GPR158: variants seen among roughly 807,000 people sequenced by gnomAD.
GPR158 encodes the protein metabotropic glycine receptor.
A neutral mutation model predicts 78.2 loss-of-function variants in GPR158; 30 were observed. The ratio of observed to expected loss-of-function variants is 0.38; its 90% CI spans 0.29 to 0.52. GPR158 has a LOEUF of 0.52. GPR158 is among the 20% of genes least tolerant of loss of function. The probability of loss-of-function intolerance (pLI) is 0.83; values close to 1 mark genes in which losing one functional copy is unlikely to be tolerated. For missense variants in GPR158, 1,463 were observed against 1,523.5 expected, an observed-to-expected ratio of 0.96 and a Z score of 0.66; for synonymous variants, 581 against 591.1, an observed-to-expected ratio of 0.98 and a Z score of 0.25.
At chr10:25,372,301 G>A (rs1278941103) in intron 2 of GPR158, among the ~76,000 whole-genome samples, 46 of 152,022 alleles carry the variant, frequency 3.0e-4, no homozygotes, top group African/African-American at 1.1e-3. Flanking sequence ...TCAGTGTGGT[G>A]ATTCCTCAGG....
chr10:25,347,051 G>A (rs1301909343), intron 2 of GPR158, among the ~76,000 whole-genome samples: 1 of 151,930 alleles, frequency 6.6e-6, no homozygotes, highest in Non-Finnish European at 1.5e-5. Flanking sequence ...TAACTGAGGT[G>A]TTTGCAAAGT....
intron 4 of GPR158, among the ~76,000 whole-genome samples, chr10:25,460,026 C>A (rs994399158): frequency 6.6e-6 from 1 of 151,938 alleles, no homozygotes; most frequent in Non-Finnish European, 1.5e-5. Flanking sequence ...AATGATAACT[C>A]CCCCAGCTTT....
chr10:25,330,414 T>C (rs1299219960), intron 2 of GPR158, among the ~76,000 whole-genome samples: 1 of 152,118 alleles, frequency 6.6e-6, no homozygotes, highest in African/African-American at 2.4e-5. Flanking sequence ...GGCGAGGCAT[T>C]TGAGTACCTC....
intron 2 of GPR158, among the ~76,000 whole-genome samples, chr10:25,254,889 G>C (rs1853871197): frequency 6.6e-6 from 1 of 152,206 alleles, no homozygotes; most frequent in Non-Finnish European, 1.5e-5. Context: ...AAGAGAGTTA[G>C]TTGATTTGGA....
At chr10:25,293,021 G>A (rs1441214478) in intron 2 of GPR158, among the ~76,000 whole-genome samples, 3 of 152,148 alleles carry the variant, frequency 2.0e-5, no homozygotes, top group Non-Finnish European at 4.4e-5. Context: ...ATCAGTTAAA[G>A]ACAGCACACA....
chr10:25,598,270 G>A lies in GPR158; in HGVS notation c.2644G>A (p.Ala882Thr), dbSNP rs141827771. 4.2e-5 allele frequency: 67 copies of A among 1,613,924 alleles called. No homozygotes were observed. The highest frequency in any genetic ancestry group is 5.3e-5 in the Non-Finnish European group (62 of 1,180,032). Residue 882 changes from alanine to threonine, a missense_variant, in exon 11 of 11, where the codon GCT becomes ACT. By Grantham distance (58) the Ala-to-Thr change is moderately conservative. Coordinates refer to ENST00000376351, the MANE Select transcript of GPR158 (RefSeq NM_020752.3). ...GCCGTTGGTGTGCAAGTCAGCAAGC[G>A]CTCACAACCTCAGCTCAGAGAAGAA... Reference protein sequence around the residue: ...SVPLVCKSASAHNLSSEKKTG... With the variant: ...SVPLVCKSASTHNLSSEKKTG...
chr10:25,580,915 TTTA>T lies in GPR158; in HGVS notation c.1753+8031_1753+8033del, dbSNP rs146096952. 3.9e-3 allele frequency among the ~76,000 whole-genome samples: 334 copies of T among 85,690 alleles called. 1 individual carries two copies. Among genetic ancestry groups the T allele is most frequent in the African/African-American group, 5.0e-3 (78 of 15,710 alleles). 56.2% of individuals were successfully genotyped at this position (85,690 alleles called of 152,430 possible). On this transcript the variant is annotated intron_variant, in intron 7 of 10. Transcript: ENST00000376351. ...TAATTTTTTTATTTTTTTATTTTATTTTATTTTATTTTATTTTTTTGAGACGGA... is the reference window on the plus strand; with the variant it reads ...TAATTTTTTTATTTTTTTATTTTATTTTTTATTTTATTTTTTTGAGACGGA...
chr10:25,219,769 T>C (rs1404644088), intron 1 of GPR158, among the ~76,000 whole-genome samples: 1 of 152,178 alleles, frequency 6.6e-6, no homozygotes, highest in African/African-American at 2.4e-5. Flanking sequence ...TGCTTCACAG[T>C]AGTTTAAAAG....
chr10:25,345,145 T>C (rs1257515444), intron 2 of GPR158, among the ~76,000 whole-genome samples: 1 of 151,984 alleles, frequency 6.6e-6, no homozygotes, highest in Non-Finnish European at 1.5e-5. Context: ...TTCCATCTGC[T>C]CTATATTGCC....
At chr10:25,418,060 T>C (rs1306510445) in intron 4 of GPR158, among the ~76,000 whole-genome samples, 1 of 152,150 alleles carries the variant, frequency 6.6e-6, no homozygotes, top group Non-Finnish European at 1.5e-5. Context: ...ATGTCAAACC[T>C]AGCAGCTGAA....
At chr10:25,313,598 A>G (rs139135618) in intron 2 of GPR158, among the ~76,000 whole-genome samples, 10 of 152,082 alleles carry the variant, frequency 6.6e-5, no homozygotes, top group African/African-American at 2.4e-4. Flanking sequence ...GGCCATAATG[A>G]TGTCATTTTT....
chr10:25,513,109 G>A (rs1391107864), intron 5 of GPR158, among the ~76,000 whole-genome samples: 2 of 151,292 alleles, frequency 1.3e-5, no homozygotes, highest in Non-Finnish European at 2.9e-5. Context: ...AGGATCAATT[G>A]GTACCAATTC....
intron 2 of GPR158, among the ~76,000 whole-genome samples, chr10:25,241,245 C>G (rs1412302072): frequency 8.4e-6 from 1 of 118,630 alleles, no homozygotes; most frequent in Non-Finnish European, 1.7e-5. Context: ...TCTTTCCTTT[C>G]TTTCCTTTCT....
intron 10 of GPR158, 93 bp downstream of exon 10, chr10:25,596,882 G>A (rs1588929547): frequency 3.0e-6 from 3 of 989,862 alleles, no homozygotes; most frequent in Admixed American, 2.2e-5. Context: ...GTGCATGCAT[G>A]TACACTCATG....
chr10:25,404,457 G>T (rs1191493411), intron 3 of GPR158, among the ~76,000 whole-genome samples: 1 of 152,032 alleles, frequency 6.6e-6, no homozygotes, highest in Non-Finnish European at 1.5e-5. Flanking sequence ...CATGAATATT[G>T]AAATATTTAA....
chr10:25,194,163 T>C (rs542775233), intron 1 of GPR158, among the ~76,000 whole-genome samples: 3 of 152,272 alleles, frequency 2.0e-5, no homozygotes, highest in South Asian at 4.2e-4. Context: ...TGCTGCTTTT[T>C]TATGGTGGGG....
At chr10:25,433,796 A>G (rs1382774598) in intron 4 of GPR158, among the ~76,000 whole-genome samples, 1 of 142,770 alleles carries the variant, frequency 7.0e-6, no homozygotes, top group African/African-American at 2.6e-5. Flanking sequence ...GGCTCCTAAT[A>G]TGCTGGTTAT....
At chr10:25,449,109 C>T (rs1039677252) in intron 4 of GPR158, among the ~76,000 whole-genome samples, 1 of 152,078 alleles carries the variant, frequency 6.6e-6, no homozygotes, top group African/African-American at 2.4e-5. Flanking sequence ...TACTATTTGT[C>T]TACTTTTTGG....
At chr10:25,354,686 C>T (rs1855523666) in intron 2 of GPR158, among the ~76,000 whole-genome samples, 1 of 152,016 alleles carries the variant, frequency 6.6e-6, no homozygotes, top group Non-Finnish European at 1.5e-5. Context: ...TCTTTTTGCA[C>T]ATTAGCATCT....
Sources: gnomAD v4.1 joint callset for allele counts (sites outside exome capture counted in the v4.1 genomes callset) on GRCh38, gnomAD v4.1.1 for gene constraint, MANE v1.5 for transcripts, NCBI Gene and HGNC (gene_info 2026-07-23, HGNC 2026-07-21) for gene names.